The following FHAD1 variants were observed in gnomAD, a reference collection of about 807,000 sequenced individuals.
FHAD1 encodes forkhead associated phosphopeptide binding domain 1.
FHAD1 carries 146 observed loss-of-function variants against 191.3 expected under a neutral mutation model. The observed-to-expected ratio is 0.76, with a 90% CI of 0.67 to 0.88. The LOEUF (loss-of-function observed/expected upper bound fraction) is 0.88. Among genes scored for constraint, FHAD1 ranks in the 40% least tolerant of loss-of-function variants. FHAD1 has a pLI of 0.00. For synonymous variants in FHAD1, 616 were observed against 672.3 expected (o/e 0.92, Z 1.29); for missense variants, 1,635 against 1,785.8 (o/e 0.92, Z 1.52).
At chr1:15,254,779 A>G (rs1647239067) in intron 2 of FHAD1, among the ~76,000 whole-genome samples, 1 of 152,222 alleles carries the variant, frequency 6.6e-6, no homozygotes. Flanking sequence ...TGCTTTGTGA[A>G]TAGACTTTTA....
chr1:15,330,636 A>T (rs1377578582), intron 14 of FHAD1, among the ~76,000 whole-genome samples: 1 of 152,214 alleles, frequency 6.6e-6, no homozygotes, highest in Admixed American at 6.5e-5. Context: ...AGAGCAGGGC[A>T]TCTGCAGGAT....
At chr1:15,334,238 C>G (rs1189391627) in intron 14 of FHAD1, 1 of 152,122 alleles carries the variant, frequency 6.6e-6, no homozygotes, top group African/African-American at 2.4e-5. Flanking sequence ...GACCCTAACA[C>G]CTGTGTCTTC....
chr1:15,377,839 A>G (rs1700012768), intron 28 of FHAD1, among the ~76,000 whole-genome samples: 1 of 152,198 alleles, frequency 6.6e-6, no homozygotes, highest in African/African-American at 2.4e-5. Context: ...CTCAAAAAAA[A>G]AAAGAAAAGA....
chr1:15,381,683 T>C lies in FHAD1; in HGVS notation c.4022+232T>C, dbSNP rs971646050. Among the ~76,000 whole-genome samples the C allele has an allele frequency of 3.3e-5, 5 of 152,052 alleles. No individual in the cohort carries two copies. Among genetic ancestry groups the C allele is most frequent in the Admixed American group, 2.0e-4 (3 of 15,274 alleles). ...CACGGTTTCCCCATTCTGTGAACTATTTTCTGTGCAAGCTGCACCTCTTGC... is the reference window on the plus strand; with the variant it reads ...CACGGTTTCCCCATTCTGTGAACTACTTTCTGTGCAAGCTGCACCTCTTGC... On this transcript the variant is annotated intron_variant, in intron 30 of 33. Transcript: ENST00000688493. This position sits in a 1 kb window ranked among gnomAD's most constrained non-coding sequence, Gnocchi z 4.6.
At chr1:15,350,170 C>T (rs974679741) in intron 19 of FHAD1, among the ~76,000 whole-genome samples, 8 of 152,284 alleles carry the variant, frequency 5.3e-5, no homozygotes, top group Non-Finnish European at 1.0e-4. Context: ...ATCCACCCAC[C>T]GTGGGCCAGG....
intron 8 of FHAD1, 142 bp downstream of exon 8, chr1:15,313,329 GGGTGGT>G: frequency 1.3e-6 from 1 of 748,572 alleles, no homozygotes; most frequent in Non-Finnish European, 2.0e-6. Context: ...GCTGGGGGCG[GGGTGGT>G]GGGGGGGTGG....
intron 2 of FHAD1, among the ~76,000 whole-genome samples, chr1:15,261,063 G>A (rs1650796352): frequency 6.6e-6 from 1 of 152,178 alleles, no homozygotes; most frequent in African/African-American, 2.4e-5. Context: ...TCACTGCCAG[G>A]GACAGTGGAG....
chr1:15,316,300 G>A lies in FHAD1; in HGVS notation c.1171-78G>A, dbSNP rs77355799. On this transcript the variant is annotated intron_variant, in intron 8 of 33. Transcript: ENST00000688493. This position sits in a 1 kb window ranked among gnomAD's most constrained non-coding sequence, Gnocchi z 4.3. The stretch of plus-strand genomic sequence containing the variant: ...AAATGCTCTCAGGGGCTCACATGGG[G>A]CCTTGGAGCCCCTCCTTCCCCCGAC... 129 of 1,135,294 alleles carry A rather than the reference G, an allele frequency of 1.1e-4. No homozygotes were observed. The African/African-American group carries it at 1.9e-3, about 17-fold the overall frequency. 70.3% of individuals were successfully genotyped at this position (1,135,294 alleles called of 1,614,324 possible).
In FHAD1 at chr1:15,316,762, G is replaced by A. The variant is rs1010527340; in HGVS notation, c.1260+295G>A. Among the ~76,000 whole-genome samples the A allele has an allele frequency of 6.6e-6, 1 of 152,158 alleles. No individual in the cohort carries two copies. The highest frequency in any genetic ancestry group is 6.5e-5 in the Admixed American group (1 of 15,280). ...AGGCTGGCCAGCTGGCCACCACATGGTCCCCTGCCCCACCCCTGACCTGTG... is the reference window on the plus strand; with the variant it reads ...AGGCTGGCCAGCTGGCCACCACATGATCCCCTGCCCCACCCCTGACCTGTG... On this transcript the variant is annotated intron_variant, in intron 9 of 33. Coordinates refer to ENST00000688493, the MANE Select transcript of FHAD1 (RefSeq NM_001391957.1). The surrounding 1 kb of genome is among the most constrained non-coding windows in gnomAD (Gnocchi z 4.3).
At chr1:15,349,195 C>A (rs1472267948) in intron 19 of FHAD1, 46 bp downstream of exon 19, 2 of 1,394,094 alleles carry the variant, frequency 1.4e-6, no homozygotes, top group Non-Finnish European at 2.0e-6. Flanking sequence ...AACTACAAAG[C>A]CAGATCCCTG....
intron 18 of FHAD1, among the ~76,000 whole-genome samples, chr1:15,347,394 C>T (rs1050654727): frequency 2.6e-5 from 4 of 152,270 alleles, no homozygotes; most frequent in African/African-American, 9.6e-5. Flanking sequence ...GACAGAACTT[C>T]TCTGTGGCTT....
chr1:15,361,293 G>C (rs547425364), intron 22 of FHAD1, among the ~76,000 whole-genome samples: 11 of 152,276 alleles, frequency 7.2e-5, no homozygotes, highest in African/African-American at 2.6e-4. Flanking sequence ...ATTTTTTCAT[G>C]GATGGGACTG....
chr1:15,393,266 G>C (rs542481673), intron 33 of FHAD1: 2 of 152,024 alleles, frequency 1.3e-5, no homozygotes, highest in African/African-American at 4.8e-5. Flanking sequence ...GTAGAGACGG[G>C]GTTTCACTAT....
downstream of FHAD1, among the ~76,000 whole-genome samples, chr1:15,401,865 G>A (rs1249348557): frequency 2.6e-5 from 4 of 152,152 alleles, no homozygotes; most frequent in Non-Finnish European, 5.9e-5. Flanking sequence ...GCTTGCATCC[G>A]TCTGCTCAGT....
At position 15,289,598 on chromosome 1, in the gene FHAD1, T is replaced by G; in HGVS notation, c.500T>G (p.Val167Gly). 6.4e-7 allele frequency: 1 copy of G among 1,551,740 alleles called. No individual in the cohort carries two copies. The highest frequency in any genetic ancestry group is 8.7e-7 in the Non-Finnish European group (1 of 1,146,994). ...VVLPASHRRP[V>G]SANKEMFSFV... is the part of the protein sequence containing the mutation. The stretch of plus-strand genomic sequence containing the variant: ...CTGCCGGCCTCCCACAGGCGGCCTG[T>G]GAGCGCCAACAAGGAGATGTTCTCG... Residue 167 changes from valine (V) to glycine (G), a missense_variant, in exon 4 of 34, where the codon GTG becomes GGG. Transcript: ENST00000688493. The surrounding 1 kb of genome is among the most constrained non-coding windows in gnomAD (Gnocchi z 4.2).
In FHAD1 at chr1:15,358,259, A is replaced by T; in HGVS notation, c.2712A>T (p.Glu904Asp). ...LALKLNETLA[E>D]LETTKTKMIM... ...TGAAATTAAATGAAACATTAGCCGAACTGGAAACTACCAAGACAAAAATGG... is the reference window on the plus strand; with the variant it reads ...TGAAATTAAATGAAACATTAGCCGATCTGGAAACTACCAAGACAAAAATGG... The change falls in exon 21 of 34, where the codon GAA becomes GAT. Residue 904 changes from glutamate (E) to aspartate (D), a missense_variant. By Grantham distance (45) the Glu-to-Asp change is conservative. Transcript: ENST00000688493. 4 of 1,529,524 alleles carry T rather than the reference A, an allele frequency of 2.6e-6. No homozygotes were observed. The highest frequency in any genetic ancestry group is 3.5e-6 in the Non-Finnish European group (4 of 1,142,144). The allele number at this position is 1,529,524 out of a possible 1,614,324, so 94.7% of individuals were successfully genotyped here.
intron 1 of FHAD1, among the ~76,000 whole-genome samples, chr1:15,240,938 CA>C (rs1318440573): frequency 7.5e-6 from 1 of 134,112 alleles, no homozygotes; most frequent in African/African-American, 2.8e-5. Flanking sequence ...GCCAGGCTGA[CA>C]GAGCGAGACT....
At chr1:15,386,947 C>T (rs1258059359) in intron 31 of FHAD1, among the ~76,000 whole-genome samples, 1 of 151,788 alleles carries the variant, frequency 6.6e-6, no homozygotes, top group African/African-American at 2.4e-5. Flanking sequence ...ACTGCAACCT[C>T]TGCCTCCCAG....
intron 23 of FHAD1, among the ~76,000 whole-genome samples, chr1:15,363,534 T>C (rs1220972277): frequency 6.6e-6 from 1 of 152,220 alleles, no homozygotes; most frequent in Non-Finnish European, 1.5e-5. Flanking sequence ...TGCCTAGTGC[T>C]TGGGAAATCT....
Sources: allele counts gnomAD v4.1 joint callset (sites outside exome capture counted in the v4.1 genomes callset), GRCh38; gene constraint gnomAD v4.1.1; non-coding constraint Gnocchi (gnomAD v3.1); transcripts MANE v1.5; gene names NCBI Gene and HGNC (gene_info 2026-07-23, HGNC 2026-07-21).